The following WDPCP variants were observed in gnomAD, a reference collection of about 807,000 sequenced individuals.
WDPCP encodes WD repeat-containing and planar cell polarity effector protein fritz homolog.
In WDPCP, 71 loss-of-function variants were observed where a neutral mutation model predicts 93.1. The observed-to-expected ratio is 0.76, with a 90% CI of 0.63 to 0.93. The LOEUF (loss-of-function observed/expected upper bound fraction) is 0.93, where lower values mean the gene tolerates loss of function less well. WDPCP is among the 40% of genes least tolerant of loss of function. The pLI, the probability that WDPCP is intolerant of heterozygous loss-of-function variation, is 0.00. For synonymous variants in WDPCP, 315 were observed against 315.0 expected (o/e 1.00, Z 0.00); for missense variants, 844 against 887.4 (o/e 0.95, Z 0.62).
chr2:63,702,342 G>A (rs552634676), intron 2 of WDPCP, among the ~76,000 whole-genome samples: 1 of 152,152 alleles, frequency 6.6e-6, no homozygotes, highest in Admixed American at 6.5e-5. Context: ...AAATATTTAA[G>A]GTGATGGATC....
intron 3 of WDPCP, among the ~76,000 whole-genome samples, chr2:63,635,082 A>T (rs1434601131): frequency 6.6e-6 from 1 of 152,172 alleles, no homozygotes; most frequent in African/African-American, 2.4e-5. Context: ...ATCATAGGCA[A>T]CTACTATAAA....
intron 14 of WDPCP, among the ~76,000 whole-genome samples, chr2:63,192,224 GT>G (rs1675104779): frequency 6.6e-6 from 1 of 152,158 alleles, no homozygotes; most frequent in Non-Finnish European, 1.5e-5. Context: ...TGATCTCTGT[GT>G]TTAACTATCT....
At chr2:63,248,764 T>A (rs969132101) in intron 14 of WDPCP, among the ~76,000 whole-genome samples, 2 of 152,160 alleles carry the variant, frequency 1.3e-5, no homozygotes, top group Non-Finnish European at 2.9e-5. Flanking sequence ...ATCATAAAGT[T>A]GGCTGATTTT....
intron 10 of WDPCP, among the ~76,000 whole-genome samples, chr2:63,389,472 T>C (rs997774510): frequency 2.6e-5 from 4 of 152,318 alleles, no homozygotes; most frequent in Admixed American, 1.3e-4. Flanking sequence ...CCATCCATGC[T>C]ATGAAGAAAC....
At chr2:63,256,556 T>A (rs1447895504) in intron 14 of WDPCP, among the ~76,000 whole-genome samples, 1 of 147,724 alleles carries the variant, frequency 6.8e-6, no homozygotes, top group Non-Finnish European at 1.5e-5. Context: ...TAAGGCTGCA[T>A]ATCCTACGTC....
At chr2:63,220,396 A>C (rs753810536) in intron 14 of WDPCP, among the ~76,000 whole-genome samples, 12 of 152,182 alleles carry the variant, frequency 7.9e-5, no homozygotes, top group Non-Finnish European at 1.5e-4. Context: ...GGTTGGTTAC[A>C]TCTGTGACCC....
intron 14 of WDPCP, among the ~76,000 whole-genome samples, chr2:63,251,375 A>AGAT (rs1447803405): frequency 1.3e-5 from 2 of 152,090 alleles, no homozygotes; most frequent in Non-Finnish European, 2.9e-5. Flanking sequence ...TAGAGGAAAT[A>AGAT]GATAAATTCC....
intron 2 of WDPCP, among the ~76,000 whole-genome samples, chr2:63,789,840 A>C (rs1670520361): frequency 6.6e-6 from 1 of 152,206 alleles, no homozygotes; most frequent in African/African-American, 2.4e-5. Context: ...GTATAATGCG[A>C]AACATATGTG....
At chr2:63,737,891 A>G (rs1467379992) in intron 2 of WDPCP, among the ~76,000 whole-genome samples, 1 of 152,122 alleles carries the variant, frequency 6.6e-6, no homozygotes, top group Non-Finnish European at 1.5e-5. Flanking sequence ...CATGATTTTA[A>G]AAAATTTTGT....
intron 1 of WDPCP, among the ~76,000 whole-genome samples, chr2:63,549,382 C>G (rs1381373538): frequency 6.6e-6 from 1 of 151,562 alleles, no homozygotes; most frequent in Non-Finnish European, 1.5e-5. Context: ...TTAATGAATT[C>G]AGAAACAAAA....
At chr2:63,823,386 G>T (rs1245399553) in intron 1 of WDPCP, among the ~76,000 whole-genome samples, 1 of 151,928 alleles carries the variant, frequency 6.6e-6, no homozygotes, top group Non-Finnish European at 1.5e-5. Context: ...CGCACCTGTA[G>T]TCCCAGCTAC....
chr2:63,461,708 T>C (rs1318953744), intron 6 of WDPCP, among the ~76,000 whole-genome samples: 1 of 152,218 alleles, frequency 6.6e-6, no homozygotes, highest in Non-Finnish European at 1.5e-5. Flanking sequence ...TATTGATTCA[T>C]GTTGGAATAT....
chr2:63,554,227 T>C (rs1354621955), intron 1 of WDPCP, among the ~76,000 whole-genome samples: 1 of 152,232 alleles, frequency 6.6e-6, no homozygotes, highest in Non-Finnish European at 1.5e-5. Context: ...GCTTTGAATT[T>C]TTCTTATGTT....
At chr2:63,365,256 CA>C (rs1690811662) in intron 12 of WDPCP, among the ~76,000 whole-genome samples, 1 of 152,126 alleles carries the variant, frequency 6.6e-6, no homozygotes, top group Non-Finnish European at 1.5e-5. Context: ...GTCTCTTCAG[CA>C]CCAGGATTCT....
At chr2:63,720,517 G>A (rs1023149100) in intron 2 of WDPCP, among the ~76,000 whole-genome samples, 18 of 152,024 alleles carry the variant, frequency 1.2e-4, no homozygotes, top group African/African-American at 4.3e-4. Flanking sequence ...TAGTTTTGTA[G>A]CATGATTAAG....
At chr2:63,303,991 T>C (rs566939872) in intron 13 of WDPCP, among the ~76,000 whole-genome samples, 12 of 130,182 alleles carry the variant, frequency 9.2e-5, no homozygotes, top group African/African-American at 3.5e-4. Flanking sequence ...AAAAAACAGA[T>C]GTAGGCAGGG....
intron 3 of WDPCP, chr2:63,597,823 C>A: frequency 3.9e-6 from 1 of 259,716 alleles, no homozygotes; most frequent in South Asian, 1.7e-4. Context: ...AGTATTAGTT[C>A]TTAAACATAT....
At chr2:63,643,035 G>A (rs1710000376) in intron 3 of WDPCP, 1 of 154,096 alleles carries the variant, frequency 6.5e-6, no homozygotes, top group Non-Finnish European at 1.4e-5. Context: ...TTATCATGAA[G>A]GGATGTTGAA....
intron 10 of WDPCP, among the ~76,000 whole-genome samples, chr2:63,394,925 G>A (rs1693587851): frequency 6.6e-6 from 1 of 152,042 alleles, no homozygotes; most frequent in Admixed American, 6.6e-5. Flanking sequence ...TCGAAAAACT[G>A]CCTATTGAAT....
Sources: gnomAD v4.1 joint callset for allele counts (sites outside exome capture counted in the v4.1 genomes callset) on GRCh38, gnomAD v4.1.1 for gene constraint, MANE v1.5 for transcripts, NCBI Gene and HGNC (gene_info 2026-07-23, HGNC 2026-07-21) for gene names.